Variants in WNT5A observed in about 807,000 individuals in gnomAD.
WNT5A encodes protein Wnt-5a.
Under a neutral mutation model 42.1 loss-of-function variants are expected in WNT5A, and 9 were observed. The ratio of observed to expected loss-of-function variants is 0.21; its 90% CI spans 0.13 to 0.37. WNT5A has a LOEUF of 0.37. WNT5A is among the 10% of genes least tolerant of loss of function. The pLI is 1.00. For synonymous variants in WNT5A, 210 were observed against 210.0 expected (o/e 1.00, Z 0.00); for missense variants, 426 against 534.0 (o/e 0.80, Z 1.99).
the WNT5A span, among the ~76,000 whole-genome samples, chr3:55,496,953 C>T: frequency 3.3e-5 from 5 of 152,340 alleles, no homozygotes; most frequent in East Asian, 3.9e-4. Flanking sequence ...TCATTCATCC[C>T]GTTGTTTGCT....
intron 1 of WNT5A, among the ~76,000 whole-genome samples, chr3:55,486,332 C>T (rs1055425237): frequency 2.6e-5 from 4 of 152,208 alleles, no homozygotes; most frequent in African/African-American, 4.8e-5. Flanking sequence ...ATGCTAATAA[C>T]GCGACCCCGC....
chr3:55,496,182 G>A, the WNT5A span, among the ~76,000 whole-genome samples: 3 of 151,992 alleles, frequency 2.0e-5, no homozygotes, highest in Admixed American at 6.6e-5. Context: ...AATCATCAAT[G>A]GTGAATAAAA....
chr3:55,477,915 G>A (rs1288628230), intron 3 of WNT5A, among the ~76,000 whole-genome samples: 1 of 152,216 alleles, frequency 6.6e-6, no homozygotes, highest in Non-Finnish European at 1.5e-5. Flanking sequence ...GAGGAAGGCA[G>A]TTTAGGAGGA....
the WNT5A span, among the ~76,000 whole-genome samples, chr3:55,500,019 A>AT: frequency 3.3e-5 from 5 of 150,572 alleles, no homozygotes; most frequent in Non-Finnish European, 7.4e-5. Context: ...AATTAACTAG[A>AT]TTTTTCCTGT....
At chr3:55,476,102 G>A (rs1219398583) in intron 3 of WNT5A, among the ~76,000 whole-genome samples, 1 of 152,214 alleles carries the variant, frequency 6.6e-6, no homozygotes, top group Non-Finnish European at 1.5e-5. Context: ...GAAGTGAGGA[G>A]CACAAGAAAA....
intron 1 of WNT5A, among the ~76,000 whole-genome samples, chr3:55,484,685 T>TTCAC (rs2051540337): frequency 7.3e-6 from 1 of 137,896 alleles, no homozygotes; most frequent in Admixed American, 7.4e-5. Flanking sequence ...GGCCCCAGGA[T>TTCAC]ACACACACAC....
In WNT5A at chr3:55,467,366, T is replaced by C. The variant is rs62249129; in HGVS notation, c.*2726A>G. ...GCTTTAAGCCATCTGCTTGATTTCT[T>C]TTTTTTTTTTTTTTGTAAGGAACAT... On this transcript the variant is annotated 3_prime_UTR_variant, in exon 5 of 5. Coordinates refer to ENST00000264634, the MANE Select transcript of WNT5A (RefSeq NM_003392.7). The C allele has an allele frequency of 2.9e-5, 1 of 34,720 alleles. No homozygotes were observed. The highest frequency in any genetic ancestry group is 1.8e-3 in the East Asian group (1 of 564). The allele number at this position is 34,720 out of a possible 1,614,324, so 2.2% of individuals were successfully genotyped here. A position where few individuals can be genotyped will look rare whatever the true frequency, so the allele number is the denominator to read the frequency against.
At chr3:55,486,552 G>A (rs898188413) in intron 1 of WNT5A, among the ~76,000 whole-genome samples, 1 of 152,188 alleles carries the variant, frequency 6.6e-6, no homozygotes, top group South Asian at 2.1e-4. Context: ...TCCCCATCCC[G>A]AGCCCCGGCC....
At chr3:55,491,899 C>T (rs1225478696), upstream of WNT5A, among the ~76,000 whole-genome samples, 6 of 152,326 alleles carry the variant, frequency 3.9e-5, no homozygotes, top group South Asian at 8.3e-4. Context: ...ACAAAGAGGC[C>T]GGAAAGGGGT....
intron 4 of WNT5A, 113 bp from the exon 5 acceptor site, chr3:55,470,663 T>A: frequency 1.0e-6 from 1 of 999,504 alleles, no homozygotes; most frequent in Non-Finnish European, 1.4e-6. Flanking sequence ...CCAGCTGAAT[T>A]AAGGACTGTA....
chr3:55,486,891 G>T, intron 1 of WNT5A, 89 bp downstream of exon 1: 1 of 911,118 alleles, frequency 1.1e-6, no homozygotes, highest in South Asian at 1.3e-5. Flanking sequence ...GAAATGGAGG[G>T]ATAGGAAGAG....
At chr3:55,478,463 G>A (rs1490714220) in intron 3 of WNT5A, among the ~76,000 whole-genome samples, 2 of 152,086 alleles carry the variant, frequency 1.3e-5, no homozygotes, top group Admixed American at 1.3e-4. Flanking sequence ...TTGCATAAAA[G>A]TAGAGAAACC....
chr3:55,474,895 T>G (rs1575399175), intron 3 of WNT5A, among the ~76,000 whole-genome samples: 1 of 43,694 alleles, frequency 2.3e-5, no homozygotes. Context: ...CAGGTAGGGC[T>G]GGGGGGAGGT....
chr3:55,500,179 T>C, the WNT5A span, among the ~76,000 whole-genome samples: 1 of 152,128 alleles, frequency 6.6e-6, no homozygotes, highest in Non-Finnish European at 1.5e-5. Flanking sequence ...AGTTTTTTTC[T>C]TAGTAAATGT....
chr3:55,482,383 A>T (rs977715133), intron 1 of WNT5A, among the ~76,000 whole-genome samples: 3 of 152,156 alleles, frequency 2.0e-5, no homozygotes, highest in African/African-American at 7.2e-5. Context: ...ACGTAAGTCT[A>T]ACCCTGCCGC....
chr3:55,493,573 C>T (rs1381773924), upstream of WNT5A, among the ~76,000 whole-genome samples: 3 of 150,884 alleles, frequency 2.0e-5, no homozygotes, highest in Non-Finnish European at 2.9e-5. Context: ...GAGGGCAAGA[C>T]CTGGTTGGCC....
At chr3:55,472,859 G>T (rs1285899665) in intron 4 of WNT5A, among the ~76,000 whole-genome samples, 1 of 152,144 alleles carries the variant, frequency 6.6e-6, no homozygotes, top group Non-Finnish European at 1.5e-5. Context: ...ACTAAACTAA[G>T]ACCTTTAATT....
In WNT5A at chr3:55,474,402, C is replaced by A. The variant is rs760160092; in HGVS notation, c.619G>T (p.Ala207Ser). 7.4e-6 allele frequency: 12 copies of A among 1,612,432 alleles called. No homozygotes were observed. The African/African-American group carries it at 9.3e-5, about 13-fold the overall frequency. Residue 207 changes from alanine (A) to serine (S), a missense_variant, in exon 4 of 5, where the codon GCC (alanine) becomes TCC (serine). Transcript: ENST00000264634. ...VDARERERIHAKGSYESARIL... is the reference protein window; with the variant it reads ...VDARERERIHSKGSYESARIL... Reference sequence around the variant, plus strand: ...CGAGCACTCTCGTAGGAGCCCTTGGCGTGGATGCGCTCCCGCTCGCGGGCG... The same window carrying A: ...CGAGCACTCTCGTAGGAGCCCTTGGAGTGGATGCGCTCCCGCTCGCGGGCG...
At chr3:55,494,083 G>A (rs1175942803), upstream of WNT5A, 8 of 152,150 alleles carry the variant, frequency 5.3e-5, no homozygotes, top group African/African-American at 1.7e-4. Context: ...TAGATTAACC[G>A]GTTCTGGGGA....
Sources: allele counts gnomAD v4.1 joint callset (sites outside exome capture counted in the v4.1 genomes callset), GRCh38; gene constraint gnomAD v4.1.1; transcripts MANE v1.5; gene names NCBI Gene and HGNC (gene_info 2026-07-23, HGNC 2026-07-21).